The following CYGB variants were observed in gnomAD, a reference collection of about 807,000 sequenced individuals.
The protein encoded by CYGB is cytoglobin.
In CYGB, 13 loss-of-function variants were observed where a neutral mutation model predicts 20.7. That is an observed-to-expected ratio of 0.63 (90% CI 0.41 to 1.00). The LOEUF (loss-of-function observed/expected upper bound fraction) is 1.00, where lower values mean the gene tolerates loss of function less well. CYGB is among the 50% of genes least tolerant of loss of function. CYGB has a pLI of 0.00. For missense variants in CYGB, 218 were observed against 257.2 expected, an observed-to-expected ratio of 0.85 and a Z score of 1.04; for synonymous variants, 93 against 107.4, an observed-to-expected ratio of 0.87 and a Z score of 0.83.
At chr17:76,538,674 G>A (rs966920020), upstream of CYGB, among the ~76,000 whole-genome samples, 1 of 152,260 alleles carries the variant, frequency 6.6e-6, no homozygotes, top group Non-Finnish European at 1.5e-5. Context: ...GGGCCTGGGG[G>A]AGGCAAATCC....
At chr17:76,548,138 C>A (rs2075073359) in intron 1 of CYGB, among the ~76,000 whole-genome samples, 4 of 151,850 alleles carry the variant, frequency 2.6e-5, no homozygotes, top group Admixed American at 6.6e-5. Context: ...CACATGCATA[C>A]ACAGACATAC....
chr17:76,537,319 G>C (rs1453300677), intron 1 of CYGB, 81 bp downstream of exon 1: 1 of 1,401,448 alleles, frequency 7.1e-7, no homozygotes, highest in Non-Finnish European at 9.3e-7. Context: ...GCTGGAGCTC[G>C]GACCCGGGCC....
chr17:76,542,592 T>C (rs756396675), upstream of CYGB: 2 of 1,613,846 alleles, frequency 1.2e-6, no homozygotes, highest in South Asian at 2.2e-5. Flanking sequence ...CCTCTGCAGG[T>C]GGGGCTCAGG....
In CYGB at chr17:76,528,464, A is replaced by G; in HGVS notation, c.*114T>C. ...ACAGAGGCCTCCTTCGGGGAAGTTG[A>G]GTCAGGGATTCCTCCAGCTTCCTTG... is the stretch of plus-strand genomic sequence containing the variant. On this transcript the variant is annotated 3_prime_UTR_variant, in exon 4 of 4. Coordinates refer to ENST00000293230, the MANE Select transcript of CYGB (RefSeq NM_134268.5). The surrounding 1 kb of genome is among the most constrained non-coding windows in gnomAD (Gnocchi z 5.8). 2 of 1,002,822 alleles carry G rather than the reference A, an allele frequency of 2.0e-6. No individual in the cohort carries two copies. Among genetic ancestry groups the G allele is most frequent in the Middle Eastern group, 2.4e-4 (1 of 4,216 alleles). The allele number at this position is 1,002,822 out of a possible 1,614,324, so 62.1% of individuals were successfully genotyped here. A position where few individuals can be genotyped will look rare whatever the true frequency, so the allele number is the denominator to read the frequency against.
chr17:76,539,276 G>A (rs1313303430), upstream of CYGB, among the ~76,000 whole-genome samples: 1 of 152,206 alleles, frequency 6.6e-6, no homozygotes, highest in Non-Finnish European at 1.5e-5. Flanking sequence ...CCCTTGGGAT[G>A]TGGAAAGAAA....
chr17:76,528,120 G>GTA lies in CYGB; in HGVS notation c.*456_*457dup, dbSNP rs941642570. 1.6e-4 allele frequency: 63 copies of GTA among 387,596 alleles called. 1 individual carries two copies. Among genetic ancestry groups the GTA allele is most frequent in the Middle Eastern group, 1.4e-3 (2 of 1,408 alleles). The allele number at this position is 387,596 out of a possible 1,614,324, so 24.0% of individuals were successfully genotyped here. A position where few individuals can be genotyped will look rare whatever the true frequency, so the allele number is the denominator to read the frequency against. On this transcript the variant is annotated 3_prime_UTR_variant, in exon 4 of 4. Coordinates refer to ENST00000293230, the MANE Select transcript of CYGB (RefSeq NM_134268.5). This position sits in a 1 kb window ranked among gnomAD's most constrained non-coding sequence, Gnocchi z 5.8. Reference sequence around the variant, plus strand: ...ATACACATTCTAGATATGTATGTGTGTATATATATATGTATATATATATTT... The same window carrying GTA: ...ATACACATTCTAGATATGTATGTGTGTATATATATATATGTATATATATATTT...
intron 1 of CYGB, chr17:76,543,130 C>G (rs977849747): frequency 4.0e-5 from 19 of 470,468 alleles, no homozygotes; most frequent in Admixed American, 7.1e-5. Flanking sequence ...AGGTAGACGC[C>G]TCCCTCTCAG....
intron 1 of CYGB, among the ~76,000 whole-genome samples, chr17:76,534,257 A>C (rs111699153): frequency 0.027 from 4,096 of 149,878 alleles, 191 homozygotes; most frequent in African/African-American, 0.093. Context: ...GCTCACTGCA[A>C]CCTCTGCCTC....
At position 76,531,252 on chromosome 17, in the gene CYGB, G is replaced by T; in HGVS notation, c.376-110C>A. 2 of 1,314,738 alleles carry T rather than the reference G, an allele frequency of 1.5e-6. No individual in the cohort carries two copies. Among genetic ancestry groups the T allele is most frequent in the Non-Finnish European group, 2.1e-6 (2 of 955,740 alleles). The allele number at this position is 1,314,738 out of a possible 1,614,324, so 81.4% of individuals were successfully genotyped here. The stretch of plus-strand genomic sequence containing the variant: ...CGAGAGGATCATTCCTAACGCAACA[G>T]TCTGGCAGCTTTGGGAACCCCGTGC... On this transcript the variant is annotated intron_variant, in intron 2 of 3. Coordinates refer to ENST00000293230, the MANE Select transcript of CYGB (RefSeq NM_134268.5). The surrounding 1 kb of genome is among the most constrained non-coding windows in gnomAD (Gnocchi z 7.4).
chr17:76,541,685 C>T (rs569134231), upstream of CYGB, among the ~76,000 whole-genome samples: 1 of 152,292 alleles, frequency 6.6e-6, no homozygotes, highest in Non-Finnish European at 1.5e-5. Flanking sequence ...TAATTGATAT[C>T]ACTAGTTAAA....
chr17:76,545,660 C>T (rs1421413445), intron 1 of CYGB: 3 of 303,644 alleles, frequency 9.9e-6, no homozygotes, highest in Non-Finnish European at 1.9e-5. Context: ...CACCTCTGTG[C>T]CTCAGTTTCT....
intron 1 of CYGB, chr17:76,544,887 C>T (rs1301740803): frequency 6.6e-6 from 3 of 456,672 alleles, no homozygotes; most frequent in South Asian, 3.1e-5. Context: ...CCCAGGGCAG[C>T]GCCCCTCCAC....
At chr17:76,532,083 T>C (rs1304757317) in intron 1 of CYGB, 1 of 174,136 alleles carries the variant, frequency 5.7e-6, no homozygotes, top group African/African-American at 2.4e-5. Flanking sequence ...TGGACTGAAA[T>C]TGTTCTGACT....
chr17:76,539,524 C>T (rs779913749), upstream of CYGB, among the ~76,000 whole-genome samples: 9 of 152,204 alleles, frequency 5.9e-5, no homozygotes, highest in Non-Finnish European at 1.0e-4. Flanking sequence ...TGTTGAGTCT[C>T]CCGTCTCTCT....
Position 76,537,448 on chromosome 17 carries a change from G to A in CYGB, c.95C>T (p.Ala32Val). 1 of 1,598,372 alleles carries A rather than the reference G, an allele frequency of 6.3e-7. No homozygotes were observed. Among genetic ancestry groups the A allele is most frequent in the South Asian group, 1.1e-5 (1 of 89,962 alleles). The change falls in exon 1 of 4, where the codon GCC becomes GTC. Residue 32 changes from alanine (A) to valine (V), a missense_variant. Coordinates refer to ENST00000293230, the MANE Select transcript of CYGB (RefSeq NM_134268.5). Reference sequence around the variant, plus strand: ...GTCCTCGCAGTTGGCATAGAGCCGGGCCCACATAGCCTGCACCGCCTTCCT... The same window carrying A: ...GTCCTCGCAGTTGGCATAGAGCCGGACCCACATAGCCTGCACCGCCTTCCT... Reference protein sequence around the residue: ...AERKAVQAMWARLYANCEDVG... With the variant: ...AERKAVQAMWVRLYANCEDVG...
At chr17:76,544,067 CT>C in intron 1 of CYGB, 1 of 454,682 alleles carries the variant, frequency 2.2e-6, no homozygotes, top group Non-Finnish European at 4.4e-6. Context: ...TCTGCCATTT[CT>C]CTCTTTTCAA....
rs780265713 is a variant in CYGB, at chr17:76,537,579, C to CGGCGGT, written c.-43_-38dup. 6.8e-5 allele frequency: 85 copies of CGGCGGT among 1,253,986 alleles called. No individual in the cohort carries two copies. The highest frequency in any genetic ancestry group is 8.0e-5 in the Non-Finnish European group (79 of 989,762). 77.7% of individuals were successfully genotyped at this position (1,253,986 alleles called of 1,614,324 possible). Reference sequence around the variant, plus strand: ...AGCCCAGCCCGGCTTTGCTCGGCGGCGGCGGTGGCGGGGCGCGGGGCGCGG... The same window carrying CGGCGGT: ...AGCCCAGCCCGGCTTTGCTCGGCGGCGGCGGTGGCGGTGGCGGGGCGCGGGGCGCGG... On this transcript the variant is annotated 5_prime_UTR_variant, in exon 1 of 4. Coordinates refer to ENST00000293230, the MANE Select transcript of CYGB (RefSeq NM_134268.5).
upstream of CYGB, among the ~76,000 whole-genome samples, chr17:76,541,034 G>A (rs2074986631): frequency 6.6e-6 from 1 of 152,202 alleles, no homozygotes; most frequent in African/African-American, 2.4e-5. Context: ...GACATCATCA[G>A]CATAGAGTGC....
intron 1 of CYGB, chr17:76,547,455 G>C (rs932898208): frequency 3.9e-5 from 6 of 152,344 alleles, no homozygotes; most frequent in Admixed American, 2.6e-4. Flanking sequence ...AGGGGGATCC[G>C]CTGACAGTGG....
Sources: gnomAD v4.1 joint callset for allele counts (sites outside exome capture counted in the v4.1 genomes callset) on GRCh38, gnomAD v4.1.1 for gene constraint, Gnocchi (gnomAD v3.1) non-coding constraint, MANE v1.5 for transcripts, NCBI Gene and HGNC (gene_info 2026-07-23, HGNC 2026-07-21) for gene names.